The following C6orf52 variants were observed in gnomAD, a reference collection of about 807,000 sequenced individuals.
C6orf52 encodes putative uncharacterized protein C6orf52.
Under a neutral mutation model 16.6 loss-of-function variants are expected in C6orf52, and 16 were observed. The observed-to-expected ratio is 0.96, with a 90% confidence interval of 0.65 to 1.46. C6orf52 has a LOEUF of 1.46. Ranked by LOEUF, C6orf52 falls within the 40% of genes most tolerant of loss-of-function variation. The pLI, the probability that C6orf52 is intolerant of heterozygous loss-of-function variation, is 0.00. For synonymous variants in C6orf52, 53 were observed against 61.4 expected (o/e 0.86, Z 0.64); for missense variants, 166 against 182.3 (o/e 0.91, Z 0.52).
At chr6:10,691,488 T>C (rs2127473231) in intron 1 of C6orf52, among the ~76,000 whole-genome samples, 1 of 152,218 alleles carries the variant, frequency 6.6e-6, no homozygotes, top group Middle Eastern at 3.4e-3. Context: ...CTATACAATG[T>C]CTCTAATCTA....
intron 3 of C6orf52, 31 bp from the exon 4 acceptor site, chr6:10,683,263 A>C (rs749421607): frequency 9.6e-6 from 14 of 1,450,880 alleles, no homozygotes; most frequent in Non-Finnish European, 1.3e-5. Context: ...ATGAGAAAAT[A>C]ATTTTACTTA....
chr6:10,683,232 C>T lies in C6orf52; in HGVS notation c.271G>A (p.Glu91Lys), dbSNP rs1281106321. 3.9e-6 allele frequency: 6 copies of T among 1,537,478 alleles called. No individual in the cohort carries two copies. Among genetic ancestry groups the T allele is most frequent in the Non-Finnish European group, 5.3e-6 (6 of 1,136,206 alleles). ...HTAGTLVMPKETTPLAENQDE... is the reference protein window; with the variant it reads ...HTAGTLVMPKKTTPLAENQDE... The stretch of plus-strand genomic sequence containing the variant: ...TGGTTTTCAGCTAGAGGTGTGGTTT[C>T]CTGCAACAAAATATTATCTCATGAG... The change falls in exon 4 of 5, where the codon GAA becomes AAA. Residue 91 changes from glutamate to lysine, a missense_variant and splice_region_variant. Coordinates refer to ENST00000259983, the MANE Select transcript of C6orf52 (RefSeq NM_001145020.3).
intron 1 of C6orf52, among the ~76,000 whole-genome samples, chr6:10,689,163 T>C (rs901980950): frequency 3.4e-5 from 5 of 145,248 alleles, no homozygotes; most frequent in Non-Finnish European, 7.4e-5. Flanking sequence ...AGAGACGGAT[T>C]TTCACCATGT....
At chr6:10,674,043 CG>C (rs1767658514) in intron 4 of C6orf52, among the ~76,000 whole-genome samples, 1 of 152,188 alleles carries the variant, frequency 6.6e-6, no homozygotes, top group African/African-American at 2.4e-5. Context: ...TTCTGGAAAC[CG>C]GAAGTCCAAG....
chr6:10,694,600 G>GTGAA lies in C6orf52; in HGVS notation c.-119_-118insTTCA. On this transcript the variant is annotated 5_prime_UTR_variant, in exon 1 of 5. Transcript: ENST00000259983. ...ACGCTGCCGGCGCTACAGCCCCTAA[G>GTGAA]CAACCGGCCGGAAGTCGGCCCCACC... is the stretch of plus-strand genomic sequence containing the variant. 1 of 173,902 alleles carries GTGAA rather than the reference G, an allele frequency of 5.8e-6. No individual in the cohort carries two copies. Among genetic ancestry groups the GTGAA allele is most frequent in the South Asian group, 1.2e-4 (1 of 8,590 alleles). 10.8% of individuals were successfully genotyped at this position (173,902 alleles called of 1,614,324 possible).
chr6:10,681,921 CAT>C (rs1429740893), intron 4 of C6orf52, among the ~76,000 whole-genome samples: 4 of 152,204 alleles, frequency 2.6e-5, no homozygotes, highest in African/African-American at 9.6e-5. Flanking sequence ...TCTTTTAACA[CAT>C]GTGCAATAAG....
Position 10,671,540 on chromosome 6 carries a change from T to C in C6orf52, c.375A>G (p.Glu125=). The C allele has an allele frequency of 6.5e-7, 1 of 1,548,158 alleles. No individual in the cohort carries two copies. Among genetic ancestry groups the C allele is most frequent in the South Asian group, 1.2e-5 (1 of 83,858 alleles). Reference sequence around the variant, plus strand: ...AATTCATGAGGGAGTCGTAGAGTTCTTCACTTTTCACCATAAACTCTTGGT... The same window carrying C: ...AATTCATGAGGGAGTCGTAGAGTTCCTCACTTTTCACCATAAACTCTTGGT... ...ESNQEFMVKS[E]ELYDSLMNCH... The change falls in exon 5 of 5, where the codon GAA becomes GAG. Residue 125 remains glutamate, a synonymous_variant. Coordinates refer to ENST00000259983, the MANE Select transcript of C6orf52 (RefSeq NM_001145020.3).
At chr6:10,691,451 C>G (rs940395060) in intron 1 of C6orf52, among the ~76,000 whole-genome samples, 1 of 152,094 alleles carries the variant, frequency 6.6e-6, no homozygotes, top group African/African-American at 2.4e-5. Context: ...CGGAACAGAA[C>G]AGGACAGGGA....
Position 10,671,425 on chromosome 6 carries a change from G to A in C6orf52, c.*31C>T, listed in dbSNP as rs72821565. Reference sequence around the variant, plus strand: ...AAACAAAAGACGACACAATTAGTATGATAATTGCGGAGTTTAATGAACACC... The same window carrying A: ...AAACAAAAGACGACACAATTAGTATAATAATTGCGGAGTTTAATGAACACC... On this transcript the variant is annotated 3_prime_UTR_variant, in exon 5 of 5. Transcript: ENST00000259983. 2.4e-5 allele frequency: 36 copies of A among 1,504,424 alleles called. No individual in the cohort carries two copies. In the Middle Eastern group the frequency reaches 5.2e-4, roughly 22 times the overall value. The allele number at this position is 1,504,424 out of a possible 1,614,324, so 93.2% of individuals were successfully genotyped here.
chr6:10,694,623 ACC>A, upstream of C6orf52: 2 of 189,602 alleles, frequency 1.1e-5, no homozygotes, highest in Non-Finnish European at 2.2e-5. Context: ...AGTCGGCCCC[ACC>A]TCCTCCTGAT....
intron 4 of C6orf52, among the ~76,000 whole-genome samples, chr6:10,680,013 G>A (rs1321679900): frequency 6.6e-6 from 1 of 152,220 alleles, no homozygotes; most frequent in African/African-American, 2.4e-5. Context: ...AGAACTCTGG[G>A]AGGCTGAGGC....
At chr6:10,682,597 CAT>C (rs975673292) in intron 4 of C6orf52, among the ~76,000 whole-genome samples, 7 of 152,198 alleles carry the variant, frequency 4.6e-5, no homozygotes, top group East Asian at 1.9e-4. Flanking sequence ...ATAAGACAGA[CAT>C]GTGATAAGAA....
intron 1 of C6orf52, among the ~76,000 whole-genome samples, chr6:10,692,949 T>C (rs1039293536): frequency 1.3e-5 from 2 of 152,240 alleles, no homozygotes; most frequent in African/African-American, 4.8e-5. Flanking sequence ...GCAGATGACG[T>C]AGAAAGTAAA....
intron 1 of C6orf52, among the ~76,000 whole-genome samples, chr6:10,691,518 G>A (rs1769305843): frequency 6.6e-6 from 1 of 152,062 alleles, no homozygotes. Flanking sequence ...TAACCGATTA[G>A]GTCAGGGGTC....
At chr6:10,676,001 G>A (rs924556868) in intron 4 of C6orf52, among the ~76,000 whole-genome samples, 4 of 149,752 alleles carry the variant, frequency 2.7e-5, no homozygotes, top group East Asian at 1.9e-4. Flanking sequence ...GCGTGGTGGC[G>A]AGTGCCTGTA....
Position 10,687,993 on chromosome 6 carries a change from T to G in C6orf52, c.-11-432A>C, listed in dbSNP as rs866268230. ...AAATACATTTCTCTCCTCTGTTACC[T>G]GCTGAGAATAACTATTGGAACTAGC... On this transcript the variant is annotated intron_variant, in intron 1 of 4. Coordinates refer to ENST00000259983, the MANE Select transcript of C6orf52 (RefSeq NM_001145020.3). 9.2e-5 allele frequency among the ~76,000 whole-genome samples: 14 copies of G among 152,330 alleles called. No individual in the cohort carries two copies. In the Middle Eastern group the frequency reaches 0.01, roughly 111 times the overall value.
chr6:10,685,392 A>G (rs1370626646), intron 3 of C6orf52, among the ~76,000 whole-genome samples: 2 of 152,240 alleles, frequency 1.3e-5, no homozygotes, highest in South Asian at 2.1e-4. Flanking sequence ...ATCTAACAAG[A>G]TATTTTATAT....
chr6:10,691,314 C>T (rs1769279178), intron 1 of C6orf52, among the ~76,000 whole-genome samples: 1 of 152,150 alleles, frequency 6.6e-6, no homozygotes. Flanking sequence ...CAACCAAGCT[C>T]CCCAAGTGAG....
At chr6:10,679,119 T>C (rs1321301164) in intron 4 of C6orf52, among the ~76,000 whole-genome samples, 1 of 150,414 alleles carries the variant, frequency 6.6e-6, no homozygotes, top group East Asian at 2.0e-4. Context: ...AAGAACAAAT[T>C]TGTTTACAAT....
Sources: allele counts gnomAD v4.1 joint callset (sites outside exome capture counted in the v4.1 genomes callset), GRCh38; gene constraint gnomAD v4.1.1; transcripts MANE v1.5; gene names NCBI Gene and HGNC (gene_info 2026-07-23, HGNC 2026-07-21).